The following PPARGC1A variants were observed in gnomAD, a reference collection of about 807,000 sequenced individuals.
PPARGC1A encodes PPARG coactivator 1 alpha, also known as peroxisome proliferator-activated receptor gamma coactivator 1-alpha.
PPARGC1A carries 25 observed loss-of-function variants against 88.7 expected under a neutral mutation model. That is an observed-to-expected ratio of 0.28 (90% CI 0.21 to 0.39). PPARGC1A has a LOEUF of 0.39. PPARGC1A is among the 10% of genes least tolerant of loss of function. The pLI, the probability that PPARGC1A is intolerant of heterozygous loss-of-function variation, is 1.00. For synonymous variants in PPARGC1A, 363 were observed against 355.6 expected (o/e 1.02, Z -0.24); for missense variants, 880 against 968.7 (o/e 0.91, Z 1.22).
At chr4:24,297,518 A>G in the PPARGC1A span, among the ~76,000 whole-genome samples, 1 of 152,316 alleles carries the variant, frequency 6.6e-6, no homozygotes, top group South Asian at 2.1e-4. Flanking sequence ...CGAACAAATT[A>G]TATTCATCTA....
intron 2 of PPARGC1A, among the ~76,000 whole-genome samples, chr4:23,852,867 C>T (rs571271814): frequency 2.9e-4 from 44 of 152,154 alleles, no homozygotes; most frequent in African/African-American, 7.7e-4. Flanking sequence ...TGCATGTGTG[C>T]GTGTTTGCAC....
At chr4:24,066,646 A>G in the PPARGC1A span, among the ~76,000 whole-genome samples, 7 of 152,110 alleles carry the variant, frequency 4.6e-5, no homozygotes, top group African/African-American at 1.7e-4. Context: ...GATAGGGGAA[A>G]AGGTCCCCTG....
chr4:24,366,777 G>A, the PPARGC1A span, among the ~76,000 whole-genome samples: 5 of 152,014 alleles, frequency 3.3e-5, no homozygotes, highest in African/African-American at 9.7e-5. Context: ...AACCTAACAC[G>A]GGCAGCCCTT....
the PPARGC1A span, among the ~76,000 whole-genome samples, chr4:24,128,143 T>A: frequency 1.2e-4 from 18 of 152,270 alleles, no homozygotes; most frequent in African/African-American, 3.6e-4. Context: ...CTGTGGAGCA[T>A]GCTTTGATCA....
At chr4:24,103,344 T>C in the PPARGC1A span, among the ~76,000 whole-genome samples, 1 of 151,976 alleles carries the variant, frequency 6.6e-6, no homozygotes, top group Non-Finnish European at 1.5e-5. Flanking sequence ...AAAGACTCAC[T>C]TCAGGGACTT....
At chr4:24,196,470 G>A in the PPARGC1A span, among the ~76,000 whole-genome samples, 1 of 152,188 alleles carries the variant, frequency 6.6e-6, no homozygotes, top group Non-Finnish European at 1.5e-5. Context: ...GCAGATGGTA[G>A]TAATAACAAT....
chr4:23,888,317 T>A (rs1475001167), intron 1 of PPARGC1A, among the ~76,000 whole-genome samples: 1 of 152,252 alleles, frequency 6.6e-6, no homozygotes, highest in Non-Finnish European at 1.5e-5. Context: ...ATGCTTCTGA[T>A]GTTTATTTGA....
the PPARGC1A span, among the ~76,000 whole-genome samples, chr4:24,080,640 A>T: frequency 2.6e-5 from 4 of 152,138 alleles, no homozygotes; most frequent in African/African-American, 9.6e-5. Flanking sequence ...ATTTTTACTC[A>T]GTGCTTTCTG....
chr4:23,824,348 G>A lies in PPARGC1A; in HGVS notation c.809C>T (p.Pro270Leu). ...LPLTPESPND[P>L]KGSPFENKTI... ...CTTGTTCTCAAATGGGGAACCCTTG[G>A]GGTCACTGGAAGATATGGCACATTT... The change falls in exon 7 of 13, where the codon CCC (proline) becomes CTC (leucine). Residue 270 changes from proline (P) to leucine (L), a missense_variant. Pro to Leu is a moderately conservative substitution (Grantham distance 98). Transcript: ENST00000264867. 1 of 1,613,348 alleles carries A rather than the reference G, an allele frequency of 6.2e-7. No homozygotes were observed. The highest frequency in any genetic ancestry group is 8.5e-7 in the Non-Finnish European group (1 of 1,179,614).
chr4:24,216,892 C>A, the PPARGC1A span, among the ~76,000 whole-genome samples: 1 of 152,128 alleles, frequency 6.6e-6, no homozygotes, highest in African/African-American at 2.4e-5. Context: ...TGTTTAAGCT[C>A]TCTGTGTCTT....
chr4:24,133,287 C>CA, the PPARGC1A span, among the ~76,000 whole-genome samples: 33 of 152,136 alleles, frequency 2.2e-4, no homozygotes, highest in Admixed American at 4.6e-4. Context: ...CCTGAGAGCT[C>CA]AAAACCAATG....
the PPARGC1A span, among the ~76,000 whole-genome samples, chr4:24,464,986 T>C: frequency 6.6e-6 from 1 of 152,256 alleles, no homozygotes; most frequent in African/African-American, 2.4e-5. Context: ...TTTTTAAAGA[T>C]GGGGTCAGTA....
At chr4:24,112,440 A>T in the PPARGC1A span, among the ~76,000 whole-genome samples, 1 of 152,162 alleles carries the variant, frequency 6.6e-6, no homozygotes, top group South Asian at 2.1e-4. Context: ...AGCAGGCTGA[A>T]TTTTACCACA....
the PPARGC1A span, among the ~76,000 whole-genome samples, chr4:24,450,206 G>C: frequency 3.3e-5 from 5 of 152,176 alleles, no homozygotes; most frequent in South Asian, 4.1e-4. Context: ...GTTAGCCTCT[G>C]TTCATATGTG....
the PPARGC1A span, among the ~76,000 whole-genome samples, chr4:24,190,343 G>A: frequency 6.6e-6 from 1 of 152,086 alleles, no homozygotes; most frequent in Non-Finnish European, 1.5e-5. Flanking sequence ...GTGAAACCCC[G>A]TCTCTACTAA....
chr4:24,195,112 AAT>A, the PPARGC1A span, among the ~76,000 whole-genome samples: 3 of 152,200 alleles, frequency 2.0e-5, no homozygotes, highest in East Asian at 5.8e-4. Flanking sequence ...CTGTTAAATG[AAT>A]AGAGTACCTA....
At chr4:23,885,664 ATG>A in intron 1 of PPARGC1A, among the ~76,000 whole-genome samples, 1 of 141,758 alleles carries the variant, frequency 7.1e-6, no homozygotes, top group East Asian at 2.0e-4. Flanking sequence ...GTGTGTGTGT[ATG>A]TGTTTGCACA....
the PPARGC1A span, among the ~76,000 whole-genome samples, chr4:24,316,003 C>G: frequency 6.6e-6 from 1 of 152,170 alleles, no homozygotes; most frequent in Non-Finnish European, 1.5e-5. Flanking sequence ...ACCCAATGCC[C>G]ATATAAACAA....
At chr4:24,184,276 A>G in the PPARGC1A span, among the ~76,000 whole-genome samples, 1 of 152,196 alleles carries the variant, frequency 6.6e-6, no homozygotes, top group Non-Finnish European at 1.5e-5. Flanking sequence ...TCTTAAGGAA[A>G]ATATGTAAAT....
Sources: gnomAD v4.1 joint callset for allele counts (sites outside exome capture counted in the v4.1 genomes callset) on GRCh38, gnomAD v4.1.1 for gene constraint, MANE v1.5 for transcripts, NCBI Gene and HGNC (gene_info 2026-07-23, HGNC 2026-07-21) for gene names.